GRM7: variants seen among roughly 807,000 people sequenced by gnomAD.
The protein encoded by GRM7 is glutamate metabotropic receptor 7.
A neutral mutation model predicts 84.5 loss-of-function variants in GRM7; 35 were observed. That is an observed-to-expected ratio of 0.41 (90% CI 0.32 to 0.55). The LOEUF is 0.55. Ranked by LOEUF, GRM7 falls within the 20% of genes least tolerant of loss-of-function variation. The pLI is 0.19. For synonymous variants in GRM7, 487 were observed against 455.1 expected (o/e 1.07, Z -0.89); for missense variants, 1,003 against 1,194.6 (o/e 0.84, Z 2.36).
chr3:6,861,513 C>A lies in GRM7; in HGVS notation c.125C>A (p.Ser42Ter). 6.3e-7 allele frequency: 1 copy of A among 1,577,006 alleles called. No homozygotes were observed. The highest frequency in any genetic ancestry group is 8.6e-7 in the Non-Finnish European group (1 of 1,163,076). ...GGCCAGGAGATGTACGCCCCGCACT[C>A]AATCCGGATCGAGGGGGACGTCACC... is the stretch of plus-strand genomic sequence containing the variant. ...ARGQEMYAPH[S>*]IRIEGDVTLG... Residue 42 changes from serine (S) to a stop codon, truncating the protein, a stop_gained, in exon 1 of 10, where the codon TCA (serine) becomes TAA (stop). Coordinates refer to ENST00000357716, the MANE Select transcript of GRM7 (RefSeq NM_000844.4). LOFTEE classifies it high-confidence loss of function. The surrounding 1 kb of genome is among the most constrained non-coding windows in gnomAD (Gnocchi z 6.4).
chr3:7,281,264 T>G (rs1043014020), intron 2 of GRM7, among the ~76,000 whole-genome samples: 1 of 152,218 alleles, frequency 6.6e-6, no homozygotes. Context: ...TTGTATTTTA[T>G]TCTATGTAAA....
At chr3:7,291,543 T>C (rs1218434362) in intron 2 of GRM7, among the ~76,000 whole-genome samples, 1 of 129,310 alleles carries the variant, frequency 7.7e-6, no homozygotes, top group South Asian at 2.6e-4. Context: ...TCTCTCTCTC[T>C]CTCTCTCTCT....
rs935329143 is a variant in GRM7, at chr3:6,861,188, G to A, written c.-201G>A. 2 of 455,020 alleles carry A rather than the reference G, an allele frequency of 4.4e-6. No homozygotes were observed. The highest frequency in any genetic ancestry group is 2.0e-5 in the African/African-American group (1 of 48,800). 28.2% of individuals were successfully genotyped at this position (455,020 alleles called of 1,614,324 possible). A position where few individuals can be genotyped will look rare whatever the true frequency, so the allele number is the denominator to read the frequency against. Reference sequence around the variant, plus strand: ...GCGGCGCGCCGGCCGGCTAACCCGAGAGCGCGAGGCGCCCCAGGCTGGCAG... The same window carrying A: ...GCGGCGCGCCGGCCGGCTAACCCGAAAGCGCGAGGCGCCCCAGGCTGGCAG... On this transcript the variant is annotated 5_prime_UTR_variant, in exon 1 of 10. Transcript: ENST00000357716. This position sits in a 1 kb window ranked among gnomAD's most constrained non-coding sequence, Gnocchi z 6.4.
chr3:7,004,823 G>A (rs1405503883), intron 1 of GRM7, among the ~76,000 whole-genome samples: 2 of 152,092 alleles, frequency 1.3e-5, no homozygotes, highest in Non-Finnish European at 2.9e-5. Context: ...TATTGGATTA[G>A]AGGCCCCTAC....
chr3:7,157,938 G>A (rs903935641), intron 2 of GRM7, among the ~76,000 whole-genome samples: 7 of 152,060 alleles, frequency 4.6e-5, no homozygotes, highest in East Asian at 3.9e-4. Context: ...GGGGCTCATC[G>A]CACGCTGGGA....
At chr3:7,004,382 A>G (rs1695114022) in intron 1 of GRM7, among the ~76,000 whole-genome samples, 1 of 152,174 alleles carries the variant, frequency 6.6e-6, no homozygotes. Context: ...TATATATTAT[A>G]TAACTTTGGA....
chr3:7,455,089 A>G lies in GRM7; in HGVS notation c.1375+2282A>G, dbSNP rs138011090. 2.1e-3 allele frequency among the ~76,000 whole-genome samples: 313 copies of G among 152,262 alleles called. 3 individuals are homozygous for G. The highest frequency in any genetic ancestry group is 7.1e-3 in the African/African-American group (293 of 41,550). ...CATGTTGAAAGGGCACAGAAACCAA[A>G]TTGGAAGAGATCCCATTGGCCAACT... On this transcript the variant is annotated intron_variant, in intron 6 of 9. Transcript: ENST00000357716.
chr3:7,231,902 G>A (rs1697207923), intron 2 of GRM7, among the ~76,000 whole-genome samples: 1 of 152,152 alleles, frequency 6.6e-6, no homozygotes, highest in South Asian at 2.1e-4. Flanking sequence ...ACTATGCTAG[G>A]TGCTGGAGAT....
At chr3:7,220,372 G>C (rs1220826405) in intron 2 of GRM7, among the ~76,000 whole-genome samples, 1 of 152,182 alleles carries the variant, frequency 6.6e-6, no homozygotes, top group Non-Finnish European at 1.5e-5. Context: ...ACTTTATTCT[G>C]TGTCTATTCT....
intron 7 of GRM7, chr3:7,520,121 T>C (rs1575444764): frequency 6.6e-6 from 1 of 152,270 alleles, no homozygotes; most frequent in Admixed American, 6.5e-5. Flanking sequence ...TGAAATAATC[T>C]TTATCCCCCA....
chr3:7,310,886 C>A (rs577039536), intron 4 of GRM7, among the ~76,000 whole-genome samples: 2 of 152,234 alleles, frequency 1.3e-5, no homozygotes, highest in Non-Finnish European at 2.9e-5. Context: ...CCTTATCCCT[C>A]TCGCATGAGA....
intron 8 of GRM7, among the ~76,000 whole-genome samples, chr3:7,674,044 G>C (rs1368166565): frequency 6.6e-6 from 1 of 152,190 alleles, no homozygotes; most frequent in South Asian, 2.1e-4. Context: ...TTTATGCAGA[G>C]GATGCCTGTG....
intron 1 of GRM7, among the ~76,000 whole-genome samples, chr3:7,064,499 T>TACAC (rs1697569347): frequency 2.0e-5 from 2 of 98,982 alleles, no homozygotes; most frequent in African/African-American, 9.5e-5. Context: ...TACATATATA[T>TACAC]ATACACATAT....
chr3:7,737,187 A>G (rs1702532477), intron 9 of GRM7, among the ~76,000 whole-genome samples: 1 of 152,228 alleles, frequency 6.6e-6, no homozygotes, highest in South Asian at 2.1e-4. Flanking sequence ...GATTTTGACA[A>G]GACATCAAGA....
intron 8 of GRM7, 128 bp from the exon 9 acceptor site, chr3:7,679,921 A>G (rs767757060): frequency 1.0e-4 from 81 of 789,194 alleles, no homozygotes; most frequent in Non-Finnish European, 1.6e-4. Flanking sequence ...GCTTTCCTTT[A>G]TTTATCAAAA....
At position 7,486,364 on chromosome 3, in the gene GRM7, C is replaced by T. The variant is rs557481148; in HGVS notation, c.1515+24642C>T. ...CTGCTATGATTTGAATATGACTTGT[C>T]CTCAGCAAAACTGAGGACAAGTTTT... On this transcript the variant is annotated intron_variant, in intron 7 of 9. Coordinates refer to ENST00000357716, the MANE Select transcript of GRM7 (RefSeq NM_000844.4). This position sits in a 1 kb window ranked among gnomAD's most constrained non-coding sequence, Gnocchi z 5.5. Among the ~76,000 whole-genome samples the T allele has an allele frequency of 6.6e-6, 1 of 152,164 alleles. No individual in the cohort carries two copies. The highest frequency in any genetic ancestry group is 2.4e-5 in the African/African-American group (1 of 41,514).
intron 9 of GRM7, among the ~76,000 whole-genome samples, chr3:7,702,651 C>T (rs2125159691): frequency 6.6e-6 from 1 of 152,282 alleles, no homozygotes; most frequent in South Asian, 2.1e-4. Context: ...CTTATAAGTA[C>T]AATGATTTGA....
At chr3:7,366,675 C>T (rs896003274) in intron 4 of GRM7, among the ~76,000 whole-genome samples, 6 of 151,692 alleles carry the variant, frequency 4.0e-5, no homozygotes, top group Admixed American at 1.3e-4. Context: ...ACTTATATAC[C>T]ATTTGCAATA....
chr3:7,173,703 G>A (rs1026793789), intron 2 of GRM7, among the ~76,000 whole-genome samples: 9 of 151,886 alleles, frequency 5.9e-5, no homozygotes, highest in South Asian at 2.1e-4. Flanking sequence ...TCTCCTAGGC[G>A]TCCCCAGCCC....
Sources: allele counts gnomAD v4.1 joint callset (sites outside exome capture counted in the v4.1 genomes callset), GRCh38; gene constraint gnomAD v4.1.1; non-coding constraint Gnocchi (gnomAD v3.1); transcripts MANE v1.5; gene names NCBI Gene and HGNC (gene_info 2026-07-23, HGNC 2026-07-21).